The following NPC1L1 variants were observed in gnomAD, a reference collection of about 807,000 sequenced individuals.
NPC1L1 encodes the protein NPC1 like intracellular cholesterol transporter 1.
Under a neutral mutation model 117.0 loss-of-function variants are expected in NPC1L1, and 98 were observed. The ratio of observed to expected loss-of-function variants is 0.84; its 90% CI spans 0.71 to 0.99. The LOEUF (loss-of-function observed/expected upper bound fraction) is 0.99, where lower values mean the gene tolerates loss of function less well. Among genes scored for constraint, NPC1L1 ranks in the 50% least tolerant of loss-of-function variants. The probability of loss-of-function intolerance (pLI) is 0.00; values close to 1 mark genes in which losing one functional copy is unlikely to be tolerated. For synonymous variants in NPC1L1, 729 were observed against 727.6 expected (o/e 1.00, Z -0.03); for missense variants, 1,540 against 1,710.0 (o/e 0.90, Z 1.75).
chr7:44,531,923 G>T (rs1801714200), intron 9 of NPC1L1, 79 bp from the exon 10 acceptor site: 1 of 1,522,154 alleles, frequency 6.6e-7, no homozygotes, highest in East Asian at 2.4e-5. Context: ...GTCAGTCAGG[G>T]TGTCATGGGC....
At chr7:44,519,314 G>T (rs1801283597) in intron 14 of NPC1L1, among the ~76,000 whole-genome samples, 1 of 152,150 alleles carries the variant, frequency 6.6e-6, no homozygotes, top group Non-Finnish European at 1.5e-5. Context: ...GTCAGAGATG[G>T]TGCAGACTTG....
intron 10 of NPC1L1, among the ~76,000 whole-genome samples, chr7:44,524,214 A>G (rs1159924206): frequency 6.6e-6 from 1 of 152,212 alleles, no homozygotes; most frequent in East Asian, 1.9e-4. Flanking sequence ...GAAGACATTA[A>G]CTCTGTGCCT....
At chr7:44,526,546 C>CAAAAAAAAAAAAAAAAAAAAA (rs372498105) in intron 10 of NPC1L1, among the ~76,000 whole-genome samples, 9 of 68,348 alleles carry the variant, frequency 1.3e-4, no homozygotes, top group African/African-American at 6.3e-4. Flanking sequence ...GACTCCATCT[C>CAAAAAAAAAAAAAAAAAAAAA]AAAAAAAAAA....
In NPC1L1 at chr7:44,520,765, C is replaced by A; in HGVS notation, c.3136G>T (p.Ala1046Ser). 1 of 1,613,958 alleles carries A rather than the reference C, an allele frequency of 6.2e-7. No individual in the cohort carries two copies. Among genetic ancestry groups the A allele is most frequent in the East Asian group, 2.2e-5 (1 of 44,878 alleles). ...VNLTSDGQVLASRFMAYHKPL... is the reference protein window; with the variant it reads ...VNLTSDGQVLSSRFMAYHKPL... ...CCCCTCCAGGCAAGGCCATGCTTAC[C>A]TAAAACCTGGCCATCTGAAGTCAAG... The change falls in exon 14 of 19, where the codon GCC (alanine) becomes TCC (serine). Residue 1046 changes from alanine (A) to serine (S), a missense_variant and splice_region_variant. Ala to Ser is a moderately conservative substitution (Grantham distance 99). This residue lies in a region of NPC1L1 where 742 missense variants were observed against 873.6 expected (regional missense o/e 0.85). Coordinates refer to ENST00000381160, the MANE Select transcript of NPC1L1 (RefSeq NM_001101648.2).
rs1337254572 is a variant in NPC1L1 at position 44,535,980 on chromosome 7, C to T, written c.1855-12G>A. The T allele has an allele frequency of 1.2e-6, 2 of 1,612,766 alleles. No individual in the cohort carries two copies. Among genetic ancestry groups the T allele is most frequent in the Middle Eastern group, 2.0e-4 (1 of 4,926 alleles). On this transcript the variant is annotated splice_polypyrimidine_tract_variant and intron_variant, in intron 4 of 18. Transcript: ENST00000381160. Reference sequence around the variant, plus strand: ...TCTTCCAGAGAGCGCTGTGGACACACACCCGACCAGCCCCCACTGACCGTG... The same window carrying T: ...TCTTCCAGAGAGCGCTGTGGACACATACCCGACCAGCCCCCACTGACCGTG...
At chr7:44,520,438 T>G (rs1468478830) in intron 14 of NPC1L1, among the ~76,000 whole-genome samples, 3 of 152,238 alleles carry the variant, frequency 2.0e-5, no homozygotes, top group African/African-American at 4.8e-5. Context: ...GTGCCAAGCA[T>G]CCTAATTCAT....
intron 1 of NPC1L1, 78 bp downstream of exon 1, chr7:44,541,128 G>A (rs1802089957): frequency 1.0e-5 from 15 of 1,475,468 alleles, no homozygotes; most frequent in Admixed American, 9.9e-5. Flanking sequence ...ACCCAGTAAC[G>A]CTCGCCTGGT....
At chr7:44,519,039 C>G (rs1453817210) in intron 14 of NPC1L1, among the ~76,000 whole-genome samples, 1 of 137,900 alleles carries the variant, frequency 7.3e-6, no homozygotes, top group Non-Finnish European at 1.6e-5. Context: ...CTTTTCTTTT[C>G]TTTTCTTTCC....
rs771247583 is a variant in NPC1L1 at position 44,521,046 on chromosome 7, T to C, written c.3026A>G (p.His1009Arg). The C allele has an allele frequency of 4.3e-6, 7 of 1,614,018 alleles. No homozygotes were observed. The highest frequency in any genetic ancestry group is 4.5e-5 in the East Asian group (2 of 44,896). Residue 1009 changes from histidine (H) to arginine (R), a missense_variant, in exon 13 of 19, where the codon CAT becomes CGT. Physicochemically the swap from His to Arg is conservative, Grantham distance 29. Coordinates refer to ENST00000381160, the MANE Select transcript of NPC1L1 (RefSeq NM_001101648.2). ...GTTCAGGAACCAGGGAAGATACTTA[T>C]GGAACTGCTCCACCGAGGGCCTCAC... is the stretch of plus-strand genomic sequence containing the variant. ...GSVRPSVEQF[H>R]KYLPWFLNDR...
rs373560573 is a variant in NPC1L1, at chr7:44,534,616, G to A, written c.1997C>T (p.Ala666Val). 165 of 1,613,880 alleles carry A rather than the reference G, an allele frequency of 1.0e-4. No individual in the cohort carries two copies. Among genetic ancestry groups the A allele is most frequent in the Non-Finnish European group, 1.3e-4 (151 of 1,179,940 alleles). The change falls in exon 6 of 19, where the codon GCC (alanine) becomes GTC (valine). Residue 666 changes from alanine to valine, a missense_variant. Physicochemically the swap from Ala to Val is moderately conservative, Grantham distance 64 (BLOSUM62 0). Coordinates refer to ENST00000381160, the MANE Select transcript of NPC1L1 (RefSeq NM_001101648.2). The surrounding 1 kb of genome is among the most constrained non-coding windows in gnomAD (Gnocchi z 5.2). ...SWSRVMVDSK[A>V]TLGLGGVAVV... is the part of the protein sequence containing the mutation. ...GGCCACCCCGCCGAGGCCCAGCGTG[G>A]CCTTGGAGTCCACCTGCAATGCAAA...
Position 44,538,780 on chromosome 7 carries a change from C to T in NPC1L1, c.1580+37G>A. ...GGCCATGGCAGCCCAGCCCCAGCCCCAGCCCACTCCTCGCTTGGGCCCCAC... is the reference window on the plus strand; with the variant it reads ...GGCCATGGCAGCCCAGCCCCAGCCCTAGCCCACTCCTCGCTTGGGCCCCAC... On this transcript the variant is annotated intron_variant, in intron 2 of 18. Transcript: ENST00000381160. The surrounding 1 kb of genome is among the most constrained non-coding windows in gnomAD (Gnocchi z 5.9). 6.2e-7 allele frequency: 1 copy of T among 1,605,640 alleles called. No individual in the cohort carries two copies. The highest frequency in any genetic ancestry group is 8.5e-7 in the Non-Finnish European group (1 of 1,173,106).
At chr7:44,518,745 T>C (rs1801264531) in intron 14 of NPC1L1, 22 of 1,128,694 alleles carry the variant, frequency 1.9e-5, no homozygotes, top group Non-Finnish European at 2.2e-5. Flanking sequence ...TAGTGCTACA[T>C]AGGTGTGGAG....
rs1380609357 is a variant in NPC1L1 at position 44,538,246 on chromosome 7, T to C, written c.1580+571A>G. Among the ~76,000 whole-genome samples the C allele has an allele frequency of 6.6e-6, 1 of 152,234 alleles. No homozygotes were observed. Among genetic ancestry groups the C allele is most frequent in the Non-Finnish European group, 1.5e-5 (1 of 68,040 alleles). ...TTGGCCCAGCAGCGTTGTTGGCATC[T>C]TGTTGGCAGCACACCAGAGTGGACA... On this transcript the variant is annotated intron_variant, in intron 2 of 18. Transcript: ENST00000381160. The surrounding 1 kb of genome is among the most constrained non-coding windows in gnomAD (Gnocchi z 5.9).
Position 44,539,233 on chromosome 7 carries a change from G to A in NPC1L1, c.1164C>T (p.Ser388=). ...DPVELWSAPN[S]QARSEKAFHD... ...GGAAAGCTTTCTCACTCCGGGCTTG[G>A]CTGTTGGGGGCCGACCACAGCTCCA... is the stretch of plus-strand genomic sequence containing the variant. Residue 388 remains serine (S), a synonymous_variant, in exon 2 of 19, where the codon AGC becomes AGT. Transcript: ENST00000381160. This position sits in a 1 kb window ranked among gnomAD's most constrained non-coding sequence, Gnocchi z 4.4. 1 of 1,614,142 alleles carries A rather than the reference G, an allele frequency of 6.2e-7. No individual in the cohort carries two copies. The highest frequency in any genetic ancestry group is 8.5e-7 in the Non-Finnish European group (1 of 1,180,040).
Position 44,532,263 on chromosome 7 carries a change from G to A in NPC1L1, c.2410-46C>T, listed in dbSNP as rs369732629. The A allele has an allele frequency of 2.5e-4, 408 of 1,611,200 alleles. 2 individuals carry two copies. In the African/African-American group the frequency reaches 5.0e-3, roughly 20 times the overall value. On this transcript the variant is annotated intron_variant, in intron 8 of 18. Coordinates refer to ENST00000381160, the MANE Select transcript of NPC1L1 (RefSeq NM_001101648.2). ...TCAAGGTAGTCCCAGAGCAGACAAG[G>A]CCCCAGGGACCACCTTCTTGCCCCC...
chr7:44,537,002 C>T (rs1801920710), intron 2 of NPC1L1, 60 bp from the exon 3 acceptor site: 3 of 1,304,126 alleles, frequency 2.3e-6, no homozygotes, highest in Non-Finnish European at 2.2e-6. Flanking sequence ...GTCCCTATGG[C>T]CCCTCCCTTC....
chr7:44,535,321 G>A (rs893755404), intron 5 of NPC1L1, among the ~76,000 whole-genome samples: 5 of 151,260 alleles, frequency 3.3e-5, no homozygotes, highest in Admixed American at 6.6e-5. Context: ...CCGAGATCGC[G>A]CCGTTACACT....
In NPC1L1 at chr7:44,536,740, C is replaced by T. The variant is rs543915602; in HGVS notation, c.1681+102G>A. The T allele has an allele frequency of 1.1e-5, 12 of 1,063,454 alleles. No individual in the cohort carries two copies. Among genetic ancestry groups the T allele is most frequent in the South Asian group, 2.6e-5 (2 of 75,834 alleles). The allele number at this position is 1,063,454 out of a possible 1,614,324, so 65.9% of individuals were successfully genotyped here. On this transcript the variant is annotated intron_variant, in intron 3 of 18. Coordinates refer to ENST00000381160, the MANE Select transcript of NPC1L1 (RefSeq NM_001101648.2). The surrounding 1 kb of genome is among the most constrained non-coding windows in gnomAD (Gnocchi z 4.7). The stretch of plus-strand genomic sequence containing the variant: ...CAGCTTCCAGAAGCCAGGCTACCCC[C>T]AGGCCGCGAGAATCCCCAGCACCAC...
Position 44,534,351 on chromosome 7 carries a change from G to A in NPC1L1, c.2166+96C>T, listed in dbSNP as rs1801795165. On this transcript the variant is annotated intron_variant, in intron 6 of 18. Transcript: ENST00000381160. This position sits in a 1 kb window ranked among gnomAD's most constrained non-coding sequence, Gnocchi z 5.2. ...GATGAACAGAAAGAGTCTGCAGGGA[G>A]ACCCAGCAAATTCACGCCAGAGTCC... 1 of 1,164,840 alleles carries A rather than the reference G, an allele frequency of 8.6e-7. No individual in the cohort carries two copies. The highest frequency in any genetic ancestry group is 1.3e-6 in the Non-Finnish European group (1 of 770,644). 72.2% of individuals were successfully genotyped at this position (1,164,840 alleles called of 1,614,324 possible). A position where few individuals can be genotyped will look rare whatever the true frequency, so the allele number is the denominator to read the frequency against.
Sources: allele counts gnomAD v4.1 joint callset (sites outside exome capture counted in the v4.1 genomes callset), GRCh38; gene constraint gnomAD v4.1.1; regional missense constraint gnomAD v4.1.1; non-coding constraint Gnocchi (gnomAD v3.1); transcripts MANE v1.5; gene names NCBI Gene and HGNC (gene_info 2026-07-23, HGNC 2026-07-21).